Variants in MYO3B observed in about 807,000 individuals in gnomAD.
MYO3B encodes myosin-IIIb.
In MYO3B, 156 loss-of-function variants were observed where a neutral mutation model predicts 174.6. The ratio of observed to expected loss-of-function variants is 0.89; its 90% confidence interval spans 0.78 to 1.02. The LOEUF (loss-of-function observed/expected upper bound fraction) is 1.02, where lower values mean the gene tolerates loss of function less well. MYO3B is among the 50% of genes least tolerant of loss of function. The pLI is 0.00. For missense variants in MYO3B, 1,632 were observed against 1,639.4 expected (o/e 1.00, Z 0.08); for synonymous variants, 563 against 569.1 (o/e 0.99, Z 0.15).
At chr2:170,321,065 G>A (rs1208218192) in intron 7 of MYO3B, among the ~76,000 whole-genome samples, 2 of 152,014 alleles carry the variant, frequency 1.3e-5, no homozygotes. Flanking sequence ...AGCCACTCTA[G>A]TCCAGCCCGG....
intron 22 of MYO3B, among the ~76,000 whole-genome samples, chr2:170,410,790 T>G (rs1372103777): frequency 6.6e-6 from 1 of 152,164 alleles, no homozygotes; most frequent in Non-Finnish European, 1.5e-5. Flanking sequence ...TATTATGCTG[T>G]ACATTTATGT....
At chr2:170,451,148 A>G (rs1398074987) in intron 23 of MYO3B, among the ~76,000 whole-genome samples, 1 of 152,340 alleles carries the variant, frequency 6.6e-6, no homozygotes, top group East Asian at 1.9e-4. Flanking sequence ...CTTTCCTTCT[A>G]TACCTTGCAA....
intron 23 of MYO3B, among the ~76,000 whole-genome samples, chr2:170,446,881 A>G (rs746570720): frequency 1.2e-4 from 18 of 152,218 alleles, no homozygotes; most frequent in Non-Finnish European, 2.1e-4. Flanking sequence ...AAATCTGTGT[A>G]TTTTTGTGGT....
chr2:170,193,429 A>G (rs2092563755), intron 1 of MYO3B, among the ~76,000 whole-genome samples: 1 of 151,958 alleles, frequency 6.6e-6, no homozygotes, highest in South Asian at 2.1e-4. Context: ...TTTCTGAGTT[A>G]TAGACTCTTG....
chr2:170,202,259 C>A (rs551562228), intron 3 of MYO3B, among the ~76,000 whole-genome samples: 6 of 152,188 alleles, frequency 3.9e-5, no homozygotes, highest in African/African-American at 1.2e-4. Flanking sequence ...TTATTCATAC[C>A]TCTGCAATAC....
intron 2 of MYO3B, among the ~76,000 whole-genome samples, chr2:170,199,787 A>G (rs1169293367): frequency 2.6e-5 from 4 of 152,180 alleles, no homozygotes; most frequent in Non-Finnish European, 5.9e-5. Context: ...GTGAGGTTTT[A>G]CATGTCCTAT....
At chr2:170,470,306 G>A (rs780471423) in intron 25 of MYO3B, among the ~76,000 whole-genome samples, 2 of 152,004 alleles carry the variant, frequency 1.3e-5, no homozygotes, top group Non-Finnish European at 2.9e-5. Context: ...ACTTCCATCT[G>A]TATGGATTTG....
chr2:170,214,963 G>A lies in MYO3B; in HGVS notation c.526+135G>A, dbSNP rs549583236. The A allele has an allele frequency of 5.3e-4, 349 of 656,402 alleles. 1 individual carries two copies. Among genetic ancestry groups the A allele is most frequent in the Non-Finnish European group, 8.8e-4 (326 of 370,056 alleles). 40.7% of individuals were successfully genotyped at this position (656,402 alleles called of 1,614,324 possible). On this transcript the variant is annotated intron_variant, in intron 5 of 34. Transcript: ENST00000408978. ...GACTTTTCCAGTCAAACACAAGCTGGAGGGGGTGGGGGCTCCAGATGGATC... is the reference window on the plus strand; with the variant it reads ...GACTTTTCCAGTCAAACACAAGCTGAAGGGGGTGGGGGCTCCAGATGGATC...
intron 30 of MYO3B, among the ~76,000 whole-genome samples, chr2:170,526,899 C>G (rs561175055): frequency 1.3e-5 from 2 of 152,278 alleles, no homozygotes; most frequent in South Asian, 4.1e-4. Context: ...TTCTGTATGT[C>G]AAGAATGCCA....
intron 7 of MYO3B, among the ~76,000 whole-genome samples, chr2:170,303,706 C>G (rs78772711): frequency 0.051 from 7,765 of 152,160 alleles, 339 homozygotes; most frequent in Middle Eastern, 0.14. Flanking sequence ...CTCTCCATTA[C>G]ATGGAGCTAC....
At chr2:170,372,992 C>T (rs150690986) in intron 9 of MYO3B, among the ~76,000 whole-genome samples, 65 of 152,216 alleles carry the variant, frequency 4.3e-4, no homozygotes, top group Middle Eastern at 3.4e-3. Flanking sequence ...GCCACGTCAC[C>T]ATGGGCCTAA....
chr2:170,410,367 G>A (rs553034821), intron 22 of MYO3B, among the ~76,000 whole-genome samples: 2 of 152,016 alleles, frequency 1.3e-5, no homozygotes, highest in Non-Finnish European at 2.9e-5. Flanking sequence ...GGATCACGAG[G>A]TCAGGAGTTC....
At chr2:170,358,046 G>A (rs547777230) in intron 8 of MYO3B, among the ~76,000 whole-genome samples, 1 of 152,082 alleles carries the variant, frequency 6.6e-6, no homozygotes, top group South Asian at 2.1e-4. Flanking sequence ...CAGCTACTCC[G>A]GAGGCTGAGG....
chr2:170,497,530 A>G (rs943685792), intron 25 of MYO3B, among the ~76,000 whole-genome samples: 1 of 152,094 alleles, frequency 6.6e-6, no homozygotes, highest in African/African-American at 2.4e-5. Context: ...AGGCAGGAGA[A>G]TGGCGCAAAC....
intron 7 of MYO3B, among the ~76,000 whole-genome samples, chr2:170,312,315 C>T (rs1037716638): frequency 6.6e-6 from 1 of 152,242 alleles, no homozygotes; most frequent in Non-Finnish European, 1.5e-5. Context: ...GCATCCTTCT[C>T]TGACTCATCC....
At chr2:170,626,079 G>C (rs192605636) in intron 32 of MYO3B, among the ~76,000 whole-genome samples, 168 of 152,292 alleles carry the variant, frequency 1.1e-3, no homozygotes, top group Non-Finnish European at 1.8e-3. Context: ...TCTGCTTGGA[G>C]CAGAGCTAAA....
At position 170,334,967 on chromosome 2, in the gene MYO3B, C is replaced by T. The variant is rs181146032; in HGVS notation, c.750-418C>T. 3.2e-3 allele frequency: 502 copies of T among 157,220 alleles called. 1 individual carries two copies. The highest frequency in any genetic ancestry group is 4.7e-3 in the Non-Finnish European group (338 of 71,556). 9.7% of individuals were successfully genotyped at this position (157,220 alleles called of 1,614,324 possible). Reference sequence around the variant, plus strand: ...CTTTAAATGCATCACATAATTAATCCAAATGGTACCATAATGATCTGAAAA... The same window carrying T: ...CTTTAAATGCATCACATAATTAATCTAAATGGTACCATAATGATCTGAAAA... On this transcript the variant is annotated intron_variant, in intron 7 of 34. Transcript: ENST00000408978.
chr2:170,472,805 G>A (rs1198039319), intron 25 of MYO3B, among the ~76,000 whole-genome samples: 4 of 151,626 alleles, frequency 2.6e-5, no homozygotes, highest in African/African-American at 4.8e-5. Flanking sequence ...GGGTTCAAGC[G>A]ACCCTCCCAC....
chr2:170,365,255 C>G lies in MYO3B; in HGVS notation c.816-3967C>G, dbSNP rs145780360. 2.8e-3 allele frequency among the ~76,000 whole-genome samples: 419 copies of G among 152,306 alleles called. 4 individuals are homozygous for G. Among genetic ancestry groups the G allele is most frequent in the Middle Eastern group, 0.02 (6 of 294 alleles). Reference sequence around the variant, plus strand: ...AGGACTTGATCCCATTTCCTCACCTCTTAAAAGAGGGGCTAGAATCGAAAA... The same window carrying G: ...AGGACTTGATCCCATTTCCTCACCTGTTAAAAGAGGGGCTAGAATCGAAAA... On this transcript the variant is annotated intron_variant, in intron 8 of 34. Coordinates refer to ENST00000408978, the MANE Select transcript of MYO3B (RefSeq NM_138995.5).
Sources: allele counts gnomAD v4.1 joint callset (sites outside exome capture counted in the v4.1 genomes callset), GRCh38; gene constraint gnomAD v4.1.1; transcripts MANE v1.5; gene names NCBI Gene and HGNC (gene_info 2026-07-23, HGNC 2026-07-21).